Variants in FAT4 observed in about 807,000 individuals in gnomAD.
The protein encoded by FAT4 is FAT atypical cadherin 4.
In FAT4, 84 loss-of-function variants were observed where a neutral mutation model predicts 303.9. That is an observed-to-expected ratio of 0.28 (90% confidence interval 0.23 to 0.33). The LOEUF (loss-of-function observed/expected upper bound fraction) is 0.33, where lower values mean the gene tolerates loss of function less well. FAT4 is among the 10% of genes least tolerant of loss of function. The pLI, the probability that FAT4 is intolerant of heterozygous loss-of-function variation, is 1.00. For synonymous variants in FAT4, 2,307 were observed against 2,298.8 expected (o/e 1.00, Z -0.10); for missense variants, 6,005 against 6,146.8 (o/e 0.98, Z 0.77).
chr4:125,444,839 G>T (rs749619072), intron 8 of FAT4, among the ~76,000 whole-genome samples: 1 of 151,968 alleles, frequency 6.6e-6, no homozygotes, highest in Non-Finnish European at 1.5e-5. Context: ...CAGCAACAAG[G>T]TTCCAAAAAT....
At position 125,477,178 on chromosome 4, in the gene FAT4, G is replaced by C; in HGVS notation, c.12323G>C (p.Arg4108Thr). 7.2e-7 allele frequency: 1 copy of C among 1,390,474 alleles called. No individual in the cohort carries two copies. Among genetic ancestry groups the C allele is most frequent in the Non-Finnish European group, 9.4e-7 (1 of 1,061,104 alleles). 86.1% of individuals were successfully genotyped at this position (1,390,474 alleles called of 1,614,324 possible). The change falls in exon 14 of 18, where the codon AGA becomes ACA. Residue 4108 changes from arginine to threonine, a missense_variant. Transcript: ENST00000394329. ...DDWTLDVQPN[R>T]VTVGGIRSLE... ...AGGACTCTTGATGTTCAGCCAAATA[G>C]AGTTACAGTTGGAGGTATCAGATCT...
chr4:125,385,024 A>AT (rs70960372), intron 2 of FAT4, among the ~76,000 whole-genome samples: 153 of 94,424 alleles, frequency 1.6e-3, no homozygotes, highest in East Asian at 9.4e-3. Context: ...ATATATATAT[A>AT]TTTTTTTTTT....
chr4:125,331,708 A>C (rs886495069), intron 2 of FAT4, among the ~76,000 whole-genome samples: 3 of 152,206 alleles, frequency 2.0e-5, no homozygotes, highest in Non-Finnish European at 2.9e-5. Flanking sequence ...CATGTTGTTC[A>C]TCAGAAAACA....
At chr4:125,417,309 G>T (rs1244268465) in intron 7 of FAT4, among the ~76,000 whole-genome samples, 1 of 152,112 alleles carries the variant, frequency 6.6e-6, no homozygotes, top group Non-Finnish European at 1.5e-5. Flanking sequence ...ACATGGGTGA[G>T]TGAGTCTGTT....
chr4:125,450,122 A>G lies in FAT4; in HGVS notation c.9112A>G (p.Asn3038Asp), dbSNP rs937594350. 2.5e-6 allele frequency: 4 copies of G among 1,613,696 alleles called. No homozygotes were observed. In the African/African-American group the frequency reaches 4.0e-5, roughly 16 times the overall value. Residue 3038 changes from asparagine to aspartate, a missense_variant, in exon 10 of 18, where the codon AAT becomes GAT. Physicochemically the swap from Asn to Asp is conservative, Grantham distance 23. Transcript: ENST00000394329. Reference sequence around the variant, plus strand: ...CCATTTAGGAAAATTTAAGTTGGACAATGATACGGGGTGGATTTCAGTAGC... The same window carrying G: ...CCATTTAGGAAAATTTAAGTTGGACGATGATACGGGGTGGATTTCAGTAGC... Reference protein sequence around the residue: ...DNHLGKFKLDNDTGWISVASS... With the variant: ...DNHLGKFKLDDDTGWISVASS...
At chr4:125,352,867 A>C (rs1732283463) in intron 2 of FAT4, among the ~76,000 whole-genome samples, 1 of 151,756 alleles carries the variant, frequency 6.6e-6, no homozygotes, top group East Asian at 1.9e-4. Flanking sequence ...ATAAGACTAC[A>C]CTGAATTCTA....
At chr4:125,428,276 C>T (rs1560603240) in intron 7 of FAT4, among the ~76,000 whole-genome samples, 1 of 151,938 alleles carries the variant, frequency 6.6e-6, no homozygotes, top group African/African-American at 2.4e-5. Flanking sequence ...TCAGCCTGGG[C>T]AACAAGAGCG....
Position 125,320,270 on chromosome 4 carries a change from G to A in FAT4, c.3859G>A (p.Ala1287Thr). Residue 1287 changes from alanine to threonine, a missense_variant, in exon 2 of 18, where the codon GCA becomes ACA. Physicochemically the swap from Ala to Thr is moderately conservative, Grantham distance 58. Coordinates refer to ENST00000394329, the MANE Select transcript of FAT4 (RefSeq NM_001291303.3). ...ATPAYSLVIQAVDSGTIPLNS... is the reference protein window; with the variant it reads ...ATPAYSLVIQTVDSGTIPLNS... ...ACCTGCCTATTCCCTTGTAATTCAA[G>A]CAGTGGATTCAGGGACAATCCCCCT... The A allele has an allele frequency of 1.9e-6, 3 of 1,614,128 alleles. No individual in the cohort carries two copies. Among genetic ancestry groups the A allele is most frequent in the Non-Finnish European group, 2.5e-6 (3 of 1,180,014 alleles).
chr4:125,329,423 A>G (rs1206421267), intron 2 of FAT4, among the ~76,000 whole-genome samples: 4 of 152,148 alleles, frequency 2.6e-5, no homozygotes, highest in Non-Finnish European at 4.4e-5. Flanking sequence ...CCGAGTCATC[A>G]TATTCTGTGA....
At chr4:125,446,689 T>C (rs377298349) in intron 9 of FAT4, 146 bp downstream of exon 9, 20 of 778,980 alleles carry the variant, frequency 2.6e-5, no homozygotes, top group South Asian at 1.0e-4. Flanking sequence ...TTTTGTCTGA[T>C]GGAAATGAAA....
At chr4:125,436,782 C>T (rs1289631807) in intron 8 of FAT4, among the ~76,000 whole-genome samples, 2 of 152,046 alleles carry the variant, frequency 1.3e-5, no homozygotes, top group South Asian at 2.1e-4. Flanking sequence ...ACAGTATGCT[C>T]GAAGCTGCCC....
chr4:125,317,671 C>T lies in FAT4; in HGVS notation c.1260C>T (p.Ile420=), dbSNP rs1413937912. Reference sequence around the variant, plus strand: ...GCAAAGTGCCGAACCTGAGCCTAATCAAGGTGGCCAGCGCCTTGGACCGCG... The same window carrying T: ...GCAAAGTGCCGAACCTGAGCCTAATTAAGGTGGCCAGCGCCTTGGACCGCG... The part of the protein sequence containing the change: ...QSSKVPNLSL[I]KVASALDRER... Residue 420 remains isoleucine, a synonymous_variant, in exon 2 of 18, where the codon ATC becomes ATT. Coordinates refer to ENST00000394329, the MANE Select transcript of FAT4 (RefSeq NM_001291303.3). The surrounding 1 kb of genome is among the most constrained non-coding windows in gnomAD (Gnocchi z 7.0). 14 of 1,614,000 alleles carry T rather than the reference C, an allele frequency of 8.7e-6. No individual in the cohort carries two copies. The South Asian group carries it at 1.2e-4, about 14-fold the overall frequency.
At chr4:125,401,957 T>C (rs932218136) in intron 3 of FAT4, among the ~76,000 whole-genome samples, 1 of 151,960 alleles carries the variant, frequency 6.6e-6, no homozygotes, top group Non-Finnish European at 1.5e-5. Context: ...TGAAACATGA[T>C]ATTTGTTTCT....
intron 8 of FAT4, among the ~76,000 whole-genome samples, chr4:125,442,993 G>A (rs1047741717): frequency 1.3e-5 from 2 of 151,980 alleles, no homozygotes; most frequent in East Asian, 1.9e-4. Flanking sequence ...AAGAAAGAAG[G>A]CTTAAAAATG....
intron 2 of FAT4, among the ~76,000 whole-genome samples, chr4:125,396,954 AT>A (rs1560797488): frequency 1.3e-4 from 14 of 111,612 alleles, no homozygotes; most frequent in Admixed American, 3.5e-4. Flanking sequence ...ATATATATAT[AT>A]ATATATATAT....
rs137871796 is a variant in FAT4 at position 125,409,536 on chromosome 4, G to A, written c.5920+742G>A. Reference sequence around the variant, plus strand: ...CTCCCAAAGTACTGGGATTGCAGGCGTGAGCCACTGCACCCAGCCCAGCTA... The same window carrying A: ...CTCCCAAAGTACTGGGATTGCAGGCATGAGCCACTGCACCCAGCCCAGCTA... On this transcript the variant is annotated intron_variant, in intron 5 of 17. Coordinates refer to ENST00000394329, the MANE Select transcript of FAT4 (RefSeq NM_001291303.3). 3.0e-3 allele frequency among the ~76,000 whole-genome samples: 457 copies of A among 152,226 alleles called. 8 individuals carry two copies. Among genetic ancestry groups the A allele is most frequent in the East Asian group, 0.022 (113 of 5,170 alleles).
intron 2 of FAT4, among the ~76,000 whole-genome samples, chr4:125,384,315 T>C (rs1055174479): frequency 6.6e-6 from 1 of 152,212 alleles, no homozygotes; most frequent in Non-Finnish European, 1.5e-5. Flanking sequence ...GATTTTTGTA[T>C]GTACTCACCA....
intron 2 of FAT4, among the ~76,000 whole-genome samples, chr4:125,358,568 A>G (rs369818499): frequency 2.4e-4 from 36 of 152,054 alleles, no homozygotes; most frequent in Non-Finnish European, 3.8e-4. Flanking sequence ...TTGTGCTCCT[A>G]TGAGAATCTA....
At chr4:125,425,662 T>A (rs1725063303) in intron 7 of FAT4, among the ~76,000 whole-genome samples, 1 of 152,138 alleles carries the variant, frequency 6.6e-6, no homozygotes, top group African/African-American at 2.4e-5. Context: ...ACATATGATA[T>A]GCTCATACCT....
Sources: allele counts gnomAD v4.1 joint callset (sites outside exome capture counted in the v4.1 genomes callset), GRCh38; gene constraint gnomAD v4.1.1; non-coding constraint Gnocchi (gnomAD v3.1); transcripts MANE v1.5; gene names NCBI Gene and HGNC (gene_info 2026-07-23, HGNC 2026-07-21).